KIF1A: variants seen among roughly 807,000 people sequenced by gnomAD.
KIF1A encodes kinesin family member 1A.
In KIF1A, 46 loss-of-function variants were observed where a neutral mutation model predicts 227.3. The ratio of observed to expected loss-of-function variants is 0.20; its 90% CI spans 0.16 to 0.26. The LOEUF (loss-of-function observed/expected upper bound fraction) is 0.26, where lower values mean the gene tolerates loss of function less well. Ranked by LOEUF, KIF1A falls within the 10% of genes least tolerant of loss-of-function variation. KIF1A has a pLI of 1.00. For missense variants in KIF1A, 1,683 were observed against 2,485.9 expected, an observed-to-expected ratio of 0.68 and a Z score of 6.87; for synonymous variants, 1,022 against 1,012.8, an observed-to-expected ratio of 1.01 and a Z score of -0.17.
chr2:240,783,860 C>A (rs140468407), intron 7 of KIF1A, 44 bp from the exon 8 acceptor site: 1 of 1,442,450 alleles, frequency 6.9e-7, no homozygotes, highest in South Asian at 1.2e-5. Flanking sequence ...CCACAAGATG[C>A]GCGGGGGCAT....
intron 24 of KIF1A, 97 bp from the exon 25 acceptor site, chr2:240,760,940 G>A (rs911647181): frequency 1.6e-6 from 2 of 1,223,796 alleles, no homozygotes; most frequent in African/African-American, 1.5e-5. Flanking sequence ...GATTTCAGCT[G>A]CCTGCCCCAC....
In KIF1A at chr2:240,778,371, G is replaced by A. The variant is rs534743400; in HGVS notation, c.883-2445C>T. ...AGTCCCCACCGTCCCTGACACACTC[G>A]CTCTCACGGTTCCTCACAGCTCCAG... is the stretch of plus-strand genomic sequence containing the variant. On this transcript the variant is annotated intron_variant, in intron 10 of 48. Transcript: ENST00000498729. This position sits in a 1 kb window ranked among gnomAD's most constrained non-coding sequence, Gnocchi z 7.2. 8.4e-4 allele frequency among the ~76,000 whole-genome samples: 127 copies of A among 151,748 alleles called. No individual in the cohort carries two copies. Among genetic ancestry groups the A allele is most frequent in the Non-Finnish European group, 1.4e-3 (97 of 67,912 alleles).
At chr2:240,755,766 TCTC>T (rs1363508420) in intron 27 of KIF1A, among the ~76,000 whole-genome samples, 1 of 152,088 alleles carries the variant, frequency 6.6e-6, no homozygotes, top group Non-Finnish European at 1.5e-5. Flanking sequence ...CCACCCCACT[TCTC>T]CTGATGTCCT....
chr2:240,774,322 T>TC, intron 11 of KIF1A, 61 bp from the exon 12 acceptor site: 8 of 1,038,660 alleles, frequency 7.7e-6, no homozygotes, highest in South Asian at 1.4e-5. Context: ...CTATGTCTGC[T>TC]CCCCCCTTCC....
At chr2:240,801,378 A>G (rs2056946900) in intron 1 of KIF1A, among the ~76,000 whole-genome samples, 1 of 152,212 alleles carries the variant, frequency 6.6e-6, no homozygotes, top group African/African-American at 2.4e-5. Flanking sequence ...AACTCAAGAG[A>G]TAGACACAGT....
chr2:240,805,332 T>G (rs1009006410), intron 1 of KIF1A, among the ~76,000 whole-genome samples: 5 of 152,194 alleles, frequency 3.3e-5, no homozygotes, highest in Non-Finnish European at 5.9e-5. Context: ...GAAAGAACCA[T>G]GCAGAACTTT....
At chr2:240,770,708 G>A (rs1302730208) in intron 15 of KIF1A, among the ~76,000 whole-genome samples, 1 of 152,224 alleles carries the variant, frequency 6.6e-6, no homozygotes, top group African/African-American at 2.4e-5. Context: ...GGGTCCTGCA[G>A]GCGCATTTCC....
chr2:240,800,402 G>A (rs1238476194), intron 1 of KIF1A, among the ~76,000 whole-genome samples: 1 of 152,140 alleles, frequency 6.6e-6, no homozygotes, highest in Non-Finnish European at 1.5e-5. Flanking sequence ...CCGATACCAC[G>A]CCGCACTGTG....
At chr2:240,816,961 G>A (rs1315944320) in intron 1 of KIF1A, among the ~76,000 whole-genome samples, 1 of 152,202 alleles carries the variant, frequency 6.6e-6, no homozygotes, top group Non-Finnish European at 1.5e-5. Context: ...GGGGGTGGGG[G>A]CACTGGGGTG....
chr2:240,760,788 T>C lies in KIF1A; in HGVS notation c.2321A>G (p.Asp774Gly). ...TDTLYSPLPP[D>G]LLPPEAAKDR... ...TTTGGCGGCCTCTGGGGGCAGCAGG[T>C]CGGGTGGCAGAGGGGAGTAGAGTGT... The change falls in exon 25 of 49, where the codon GAC becomes GGC. Residue 774 changes from aspartate (D) to glycine (G), a missense_variant. Asp to Gly is a moderately conservative substitution (Grantham distance 94). This residue lies in a region of KIF1A where 759 missense variants were observed against 1,020.2 expected (regional missense o/e 0.74). Transcript: ENST00000498729. 2 of 1,604,246 alleles carry C rather than the reference T, an allele frequency of 1.2e-6. No individual in the cohort carries two copies. Among genetic ancestry groups the C allele is most frequent in the Non-Finnish European group, 1.7e-6 (2 of 1,176,100 alleles).
rs2055494533 is a variant in KIF1A at position 240,790,251 on chromosome 2, C to T, written c.107-939G>A. Among the ~76,000 whole-genome samples the T allele has an allele frequency of 6.6e-6, 1 of 152,192 alleles. No individual in the cohort carries two copies. The highest frequency in any genetic ancestry group is 2.1e-4 in the South Asian group (1 of 4,838). ...AGGCCTGGAGGCCTGAGGCAGTCCC[C>T]TCCCAGGTTCTCACACCCAGGAGGA... is the stretch of plus-strand genomic sequence containing the variant. On this transcript the variant is annotated intron_variant, in intron 2 of 48. Coordinates refer to ENST00000498729, the MANE Select transcript of KIF1A (RefSeq NM_001244008.2). The surrounding 1 kb of genome is among the most constrained non-coding windows in gnomAD (Gnocchi z 5.0).
Position 240,788,472 on chromosome 2 carries a change from C to G in KIF1A, c.184-242G>C, listed in dbSNP as rs996832164. Reference sequence around the variant, plus strand: ...AGGCAGGAGGCAGGACGGGTTCCAGCAGAGGGAACAGCATGTGAAAGGCCC... The same window carrying G: ...AGGCAGGAGGCAGGACGGGTTCCAGGAGAGGGAACAGCATGTGAAAGGCCC... On this transcript the variant is annotated intron_variant, in intron 3 of 48. Transcript: ENST00000498729. This position sits in a 1 kb window ranked among gnomAD's most constrained non-coding sequence, Gnocchi z 6.6. 1.3e-5 allele frequency among the ~76,000 whole-genome samples: 2 copies of G among 152,102 alleles called. No homozygotes were observed. The highest frequency in any genetic ancestry group is 2.9e-5 in the Non-Finnish European group (2 of 68,006).
At chr2:240,763,556 A>G (rs2050791614) in intron 20 of KIF1A, among the ~76,000 whole-genome samples, 1 of 152,192 alleles carries the variant, frequency 6.6e-6, no homozygotes, top group Admixed American at 6.5e-5. Flanking sequence ...TCCACTCAGC[A>G]TCCAGTGACA....
Position 240,760,777 on chromosome 2 carries a change from G to A in KIF1A, c.2332C>T (p.Pro778Ser). The change falls in exon 25 of 49, where the codon CCA (proline) becomes TCA (serine). Residue 778 changes from proline (P) to serine (S), a missense_variant. Around this residue, in one of 12 missense-constraint regions of KIF1A, gnomAD observed 759 missense variants for 1,020.2 expected, o/e 0.74. Coordinates refer to ENST00000498729, the MANE Select transcript of KIF1A (RefSeq NM_001244008.2). ...YSPLPPDLLPPEAAKDRETRP... is the reference protein window; with the variant it reads ...YSPLPPDLLPSEAAKDRETRP... ...GTCTCTCGGTCTTTGGCGGCCTCTG[G>A]GGGCAGCAGGTCGGGTGGCAGAGGG... 6.2e-7 allele frequency: 1 copy of A among 1,604,390 alleles called. No individual in the cohort carries two copies. The highest frequency in any genetic ancestry group is 8.5e-7 in the Non-Finnish European group (1 of 1,176,166).
At chr2:240,797,397 G>A (rs1240631701) in intron 2 of KIF1A, among the ~76,000 whole-genome samples, 1 of 152,190 alleles carries the variant, frequency 6.6e-6, no homozygotes, top group Non-Finnish European at 1.5e-5. Context: ...CAGAGAGAGT[G>A]AGGCCCTGCT....
chr2:240,777,739 C>G (rs552365873), intron 10 of KIF1A, among the ~76,000 whole-genome samples: 1 of 152,338 alleles, frequency 6.6e-6, no homozygotes, highest in South Asian at 2.1e-4. Flanking sequence ...CAGGCAGCTC[C>G]TGACAAGCCG....
intron 12 of KIF1A, 74 bp downstream of exon 12, chr2:240,774,109 A>T: frequency 1.0e-6 from 1 of 960,448 alleles, no homozygotes; most frequent in Non-Finnish European, 1.6e-6. Context: ...GGTGCTTCCT[A>T]ATTCAAGCAC....
rs2044568828 is a variant in KIF1A, at chr2:240,716,066, T to C, written c.*1298A>G. 1 of 152,198 alleles carries C rather than the reference T, an allele frequency of 6.6e-6. No individual in the cohort carries two copies. The highest frequency in any genetic ancestry group is 2.4e-5 in the African/African-American group (1 of 41,354). The allele number at this position is 152,198 out of a possible 1,614,324, so 9.4% of individuals were successfully genotyped here. On this transcript the variant is annotated 3_prime_UTR_variant, in exon 49 of 49. Transcript: ENST00000498729. ...TCCTGTCCTGGGTGGCCCTCGGACATTGGTGTCTGCAGAGGGGGTGAAATG... is the reference window on the plus strand; with the variant it reads ...TCCTGTCCTGGGTGGCCCTCGGACACTGGTGTCTGCAGAGGGGGTGAAATG...
At chr2:240,760,592 C>T in intron 25 of KIF1A, 73 bp downstream of exon 25, 1 of 1,242,110 alleles carries the variant, frequency 8.1e-7, no homozygotes, top group Non-Finnish European at 1.1e-6. Context: ...CCTGTGCCTA[C>T]CACCGCTCCT....
Sources: allele counts gnomAD v4.1 joint callset (sites outside exome capture counted in the v4.1 genomes callset), GRCh38; gene constraint gnomAD v4.1.1; regional missense constraint gnomAD v4.1.1; non-coding constraint Gnocchi (gnomAD v3.1); transcripts MANE v1.5; gene names NCBI Gene and HGNC (gene_info 2026-07-23, HGNC 2026-07-21).